CADPS: variants seen among roughly 807,000 people sequenced by gnomAD.
CADPS encodes calcium dependent secretion activator, also known as calcium-dependent secretion activator 1.
Under a neutral mutation model 167.3 loss-of-function variants are expected in CADPS, and 57 were observed. The ratio of observed to expected loss-of-function variants is 0.34; its 90% CI spans 0.28 to 0.42. The LOEUF is 0.42. Ranked by LOEUF, CADPS falls within the 20% of genes least tolerant of loss-of-function variation. The pLI, the probability that CADPS is intolerant of heterozygous loss-of-function variation, is 1.00. For synonymous variants in CADPS, 676 were observed against 635.3 expected, an observed-to-expected ratio of 1.06 and a Z score of -0.96; for missense variants, 1,414 against 1,738.1, an observed-to-expected ratio of 0.81 and a Z score of 3.32.
rs1478196557 is a variant in CADPS at position 62,446,717 on chromosome 3, G to C, written c.3637-920C>G. The stretch of plus-strand genomic sequence containing the variant: ...GTTCTGAGTACTGTGAAAAGTCAAT[G>C]AACAGCTGGGTTTGAGAAATAAAGC... On this transcript the variant is annotated intron_variant, in intron 26 of 29. Transcript: ENST00000383710. This position sits in a 1 kb window ranked among gnomAD's most constrained non-coding sequence, Gnocchi z 4.9. Among the ~76,000 whole-genome samples the C allele has an allele frequency of 6.6e-6, 1 of 152,140 alleles. No homozygotes were observed. Among genetic ancestry groups the C allele is most frequent in the Non-Finnish European group, 1.5e-5 (1 of 68,020 alleles).
In CADPS at chr3:62,398,744, A is replaced by G. The variant is rs1330491302; in HGVS notation, c.*662T>C. On this transcript the variant is annotated 3_prime_UTR_variant, in exon 30 of 30. Coordinates refer to ENST00000383710, the MANE Select transcript of CADPS (RefSeq NM_003716.4). ...TGAACTGCGCGCTTGATGTTAAGTC[A>G]TGATAGGATCGCCCCCTTGCCGTGG... 2 of 152,286 alleles carry G rather than the reference A, an allele frequency of 1.3e-5. No homozygotes were observed. The highest frequency in any genetic ancestry group is 4.8e-5 in the African/African-American group (2 of 41,430). 9.4% of individuals were successfully genotyped at this position (152,286 alleles called of 1,614,324 possible).
At position 62,601,591 on chromosome 3, in the gene CADPS, T is replaced by C. The variant is rs1298434486; in HGVS notation, c.1326-8843A>G. Among the ~76,000 whole-genome samples, 1 of 152,230 alleles carries C rather than the reference T, an allele frequency of 6.6e-6. No individual in the cohort carries two copies. Among genetic ancestry groups the C allele is most frequent in the Non-Finnish European group, 1.5e-5 (1 of 68,040 alleles). ...GCTCTAAATTCTTCATGGAGCTCTT[T>C]CTAGCACTCTTAGTTTATTAGAAAA... On this transcript the variant is annotated intron_variant, in intron 6 of 29. Transcript: ENST00000383710. This position sits in a 1 kb window ranked among gnomAD's most constrained non-coding sequence, Gnocchi z 4.3.
At chr3:62,837,585 G>A (rs754866778) in intron 1 of CADPS, among the ~76,000 whole-genome samples, 42 of 152,124 alleles carry the variant, frequency 2.8e-4, no homozygotes, top group Admixed American at 3.3e-4. Flanking sequence ...CAGCTGTTTC[G>A]TTTTGATACA....
chr3:62,538,267 G>A (rs1379814343), intron 11 of CADPS, among the ~76,000 whole-genome samples: 1 of 152,106 alleles, frequency 6.6e-6, no homozygotes, highest in African/African-American at 2.4e-5. Context: ...TGGCCAGGAA[G>A]TTGTTGCTCC....
chr3:62,875,089 G>C lies in CADPS; in HGVS notation c.-60C>G, dbSNP rs1265118685. On this transcript the variant is annotated 5_prime_UTR_variant, in exon 1 of 30. Coordinates refer to ENST00000383710, the MANE Select transcript of CADPS (RefSeq NM_003716.4). ...CGGCTTGGAGTGCAAAAGGTGGGGG[G>C]CGCTGGAGGCAGCCGGGGATCAGCT... 7.4e-6 allele frequency: 11 copies of C among 1,492,368 alleles called. No individual in the cohort carries two copies. In the East Asian group the frequency reaches 2.0e-4, roughly 27 times the overall value. The allele number at this position is 1,492,368 out of a possible 1,614,324, so 92.4% of individuals were successfully genotyped here.
intron 6 of CADPS, among the ~76,000 whole-genome samples, chr3:62,630,931 C>T (rs2065150079): frequency 6.6e-6 from 1 of 152,032 alleles, no homozygotes; most frequent in Non-Finnish European, 1.5e-5. Flanking sequence ...TTTTGAGTGT[C>T]CTCAAGGTTA....
At chr3:62,647,555 T>G (rs910136054) in intron 5 of CADPS, among the ~76,000 whole-genome samples, 1 of 152,234 alleles carries the variant, frequency 6.6e-6, no homozygotes, top group South Asian at 2.1e-4. Context: ...CACTTCATTT[T>G]TCTTTCAAAT....
At chr3:62,592,018 T>G (rs1194509532) in intron 7 of CADPS, among the ~76,000 whole-genome samples, 1 of 152,186 alleles carries the variant, frequency 6.6e-6, no homozygotes, top group African/African-American at 2.4e-5. Context: ...TTTGGCACAT[T>G]TCTAAGGAAA....
chr3:62,657,802 C>A (rs1010849321), intron 4 of CADPS, among the ~76,000 whole-genome samples: 2 of 152,104 alleles, frequency 1.3e-5, no homozygotes, highest in African/African-American at 4.8e-5. Context: ...GCTTTTGCCT[C>A]CCTTCCCTCC....
intron 5 of CADPS, among the ~76,000 whole-genome samples, chr3:62,649,672 C>T (rs1257091678): frequency 6.7e-6 from 1 of 148,444 alleles, no homozygotes; most frequent in Non-Finnish European, 1.5e-5. Flanking sequence ...TTGATCCTCC[C>T]ACCTCAGCCT....
chr3:62,598,714 C>A (rs1366426941), intron 6 of CADPS, among the ~76,000 whole-genome samples: 2 of 152,182 alleles, frequency 1.3e-5, no homozygotes, highest in African/African-American at 4.8e-5. Context: ...GGGTCACACA[C>A]AAGGAGTAAA....
intron 17 of CADPS, among the ~76,000 whole-genome samples, chr3:62,505,791 T>C (rs922031734): frequency 7.9e-5 from 12 of 152,182 alleles, no homozygotes; most frequent in Non-Finnish European, 1.5e-4. Context: ...TATATACATT[T>C]GTCTATCTCC....
intron 1 of CADPS, among the ~76,000 whole-genome samples, chr3:62,770,685 C>T (rs2088410775): frequency 6.6e-6 from 1 of 152,220 alleles, no homozygotes; most frequent in Non-Finnish European, 1.5e-5. Context: ...CTTGGCCTCC[C>T]AAAGTGCTGG....
rs1355510786 is a variant in CADPS at position 62,874,938 on chromosome 3, G to A, written c.92C>T (p.Ala31Val). Residue 31 changes from alanine (A) to valine (V), a missense_variant, in exon 1 of 30, where the codon GCG (alanine) becomes GTG (valine). Transcript: ENST00000383710. The surrounding 1 kb of genome is among the most constrained non-coding windows in gnomAD (Gnocchi z 7.1). ...GCTGGTACGGCTGGGAGACAGGCGCGCGCCGGACGGGGCCGAGCCGAGCAC... is the reference window on the plus strand; with the variant it reads ...GCTGGTACGGCTGGGAGACAGGCGCACGCCGGACGGGGCCGAGCCGAGCAC... ...KEVLGSAPSGARLSPSRTSEG... is the reference protein window; with the variant it reads ...KEVLGSAPSGVRLSPSRTSEG... The A allele has an allele frequency of 1.3e-6, 2 of 1,522,892 alleles. No homozygotes were observed. The highest frequency in any genetic ancestry group is 1.8e-6 in the Non-Finnish European group (2 of 1,138,618). The allele number at this position is 1,522,892 out of a possible 1,614,324, so 94.3% of individuals were successfully genotyped here.
intron 1 of CADPS, among the ~76,000 whole-genome samples, chr3:62,857,725 T>A (rs2153157259): frequency 6.6e-6 from 1 of 152,138 alleles, no homozygotes; most frequent in East Asian, 1.9e-4. Context: ...TGGATGTCTT[T>A]GGGTGGTAAA....
chr3:62,419,433 G>C (rs569886177), intron 28 of CADPS, among the ~76,000 whole-genome samples: 1 of 152,254 alleles, frequency 6.6e-6, no homozygotes, highest in Non-Finnish European at 1.5e-5. Context: ...TTACTGTTTT[G>C]AGAAAATGTA....
At chr3:62,401,063 A>T (rs1397013157) in intron 29 of CADPS, among the ~76,000 whole-genome samples, 9 of 152,156 alleles carry the variant, frequency 5.9e-5, no homozygotes, top group Middle Eastern at 3.2e-3. Flanking sequence ...TTTGACATTA[A>T]ATTATAAGGT....
intron 7 of CADPS, among the ~76,000 whole-genome samples, chr3:62,590,687 G>C (rs1242150053): frequency 6.6e-6 from 1 of 152,024 alleles, no homozygotes; most frequent in African/African-American, 2.4e-5. Context: ...ATTCTTGCTG[G>C]CATCGTTAGG....
At chr3:62,493,552 G>T in intron 19 of CADPS, 93 bp downstream of exon 19, 1 of 926,840 alleles carries the variant, frequency 1.1e-6, no homozygotes. Flanking sequence ...GCTCTTCTGT[G>T]ATCTATTAGT....
Sources: gnomAD v4.1 joint callset for allele counts (sites outside exome capture counted in the v4.1 genomes callset) on GRCh38, gnomAD v4.1.1 for gene constraint, Gnocchi (gnomAD v3.1) non-coding constraint, MANE v1.5 for transcripts, NCBI Gene and HGNC (gene_info 2026-07-23, HGNC 2026-07-21) for gene names.